Variants in PANK1 observed in about 807,000 individuals in gnomAD.
The protein encoded by PANK1 is pantothenic acid kinase 1.
A neutral mutation model predicts 40.1 loss-of-function variants in PANK1; 18 were observed. That is an observed-to-expected ratio of 0.45 (90% CI 0.31 to 0.67). PANK1 has a LOEUF of 0.67. PANK1 is among the 30% of genes least tolerant of loss of function. The pLI is 0.06. For missense variants in PANK1, 457 were observed against 599.6 expected (o/e 0.76, Z 2.48); for synonymous variants, 242 against 237.7 (o/e 1.02, Z -0.17).
At position 89,583,948 on chromosome 10, in the gene PANK1, A is replaced by T. The variant is rs1344875906; in HGVS notation, c.*458T>A. On this transcript the variant is annotated 3_prime_UTR_variant, in exon 7 of 7. Coordinates refer to ENST00000307534, the MANE Select transcript of PANK1 (RefSeq NM_148977.3). ...TCACAGTAAAACATGCCAGATTTGTAGTTTCATTTGAAACCAACAGCAAAT... is the reference window on the plus strand; with the variant it reads ...TCACAGTAAAACATGCCAGATTTGTTGTTTCATTTGAAACCAACAGCAAAT... The T allele has an allele frequency of 1.3e-5, 2 of 153,744 alleles. No individual in the cohort carries two copies. The highest frequency in any genetic ancestry group is 4.8e-5 in the African/African-American group (2 of 41,490). 9.5% of individuals were successfully genotyped at this position (153,744 alleles called of 1,614,324 possible).
At chr10:89,604,703 A>AAG in intron 2 of PANK1, among the ~76,000 whole-genome samples, 1 of 151,508 alleles carries the variant, frequency 6.6e-6, no homozygotes, top group Admixed American at 6.6e-5. Flanking sequence ...AAAAAAAAAA[A>AAG]AAAAAAAAAA....
intron 3 of PANK1, among the ~76,000 whole-genome samples, chr10:89,594,800 G>A (rs1190810694): frequency 6.6e-6 from 1 of 152,148 alleles, no homozygotes; most frequent in Non-Finnish European, 1.5e-5. Context: ...AGCCAAGAAT[G>A]AACTCAATTG....
At chr10:89,629,777 T>A (rs1841580552) in intron 1 of PANK1, among the ~76,000 whole-genome samples, 1 of 152,230 alleles carries the variant, frequency 6.6e-6, no homozygotes, top group Non-Finnish European at 1.5e-5. Flanking sequence ...AAAGTTTGAT[T>A]CAGAGACAGC....
At chr10:89,615,787 G>A (rs1845298730) in intron 1 of PANK1, among the ~76,000 whole-genome samples, 1 of 152,098 alleles carries the variant, frequency 6.6e-6, no homozygotes. Context: ...TCAGTACACT[G>A]TCTTATATTA....
intron 6 of PANK1, among the ~76,000 whole-genome samples, chr10:89,588,351 T>C (rs1052618700): frequency 6.6e-6 from 1 of 152,206 alleles, no homozygotes; most frequent in Non-Finnish European, 1.5e-5. Context: ...AACTGCTGGA[T>C]CATATGGTAA....
In PANK1 at chr10:89,583,230, T is replaced by A. The variant is rs905749818; in HGVS notation, c.*1176A>T. Reference sequence around the variant, plus strand: ...ATGACCCTCATTTGAAAGTTACCCATCAGTCTTAATGAAATCTTTCAAAAA... The same window carrying A: ...ATGACCCTCATTTGAAAGTTACCCAACAGTCTTAATGAAATCTTTCAAAAA... On this transcript the variant is annotated 3_prime_UTR_variant, in exon 7 of 7. Transcript: ENST00000307534. 1.3e-5 allele frequency: 2 copies of A among 152,156 alleles called. No homozygotes were observed. Among genetic ancestry groups the A allele is most frequent in the African/African-American group, 2.4e-5 (1 of 41,450 alleles). 9.4% of individuals were successfully genotyped at this position (152,156 alleles called of 1,614,324 possible). A position where few individuals can be genotyped will look rare whatever the true frequency, so the allele number is the denominator to read the frequency against.
intron 1 of PANK1, among the ~76,000 whole-genome samples, chr10:89,620,716 C>T (rs190238362): frequency 2.3e-4 from 35 of 152,262 alleles, no homozygotes; most frequent in African/African-American, 7.7e-4. Context: ...ACTCCCTGTT[C>T]GTACCCCCTT....
At chr10:89,618,208 ATGAC>A (rs1299849443) in intron 1 of PANK1, among the ~76,000 whole-genome samples, 1 of 152,216 alleles carries the variant, frequency 6.6e-6, no homozygotes, top group Non-Finnish European at 1.5e-5. Flanking sequence ...GCATTTTAGA[ATGAC>A]TGAGCACCAG....
intron 1 of PANK1, among the ~76,000 whole-genome samples, chr10:89,623,112 A>C (rs1173320133): frequency 6.6e-6 from 1 of 152,216 alleles, no homozygotes; most frequent in African/African-American, 2.4e-5. Context: ...TTGGACACAC[A>C]CACACAAAAC....
chr10:89,586,694 T>C lies in PANK1; in HGVS notation c.1326+1958A>G, dbSNP rs141328569. On this transcript the variant is annotated intron_variant, in intron 6 of 6. Transcript: ENST00000307534. Reference sequence around the variant, plus strand: ...ATTGACAATACCAGCTCTCTCAATGTTTTTCTGCTGCAGTGTATACAAGAG... The same window carrying C: ...ATTGACAATACCAGCTCTCTCAATGCTTTTCTGCTGCAGTGTATACAAGAG... Among the ~76,000 whole-genome samples, 1,488 of 152,286 alleles carry C rather than the reference T, an allele frequency of 9.8e-3. 14 individuals are homozygous for C. The highest frequency in any genetic ancestry group is 0.027 in the Middle Eastern group (8 of 294).
Position 89,632,517 on chromosome 10 carries a change from C to G in PANK1, c.292+12083G>C, listed in dbSNP as rs562153340. The stretch of plus-strand genomic sequence containing the variant: ...TTTAAGAAAAAAAAAATTTGGTGTT[C>G]CTCAATCCACAATGAACAAATAACT... On this transcript the variant is annotated intron_variant, in intron 1 of 6. Transcript: ENST00000307534. Among the ~76,000 whole-genome samples, 8 of 152,088 alleles carry G rather than the reference C, an allele frequency of 5.3e-5. No individual in the cohort carries two copies. In the South Asian group the frequency reaches 1.7e-3, roughly 32 times the overall value.
At position 89,627,032 on chromosome 10, in the gene PANK1, T is replaced by C. The variant is rs370140540; in HGVS notation, c.293-14984A>G. On this transcript the variant is annotated intron_variant, in intron 1 of 6. Transcript: ENST00000307534. Reference sequence around the variant, plus strand: ...ACCAGAAATGGGCCTTGTTCATTTATTTCTTAACTATGAAAGTCTGGCAAA... The same window carrying C: ...ACCAGAAATGGGCCTTGTTCATTTACTTCTTAACTATGAAAGTCTGGCAAA... Among the ~76,000 whole-genome samples the C allele has an allele frequency of 2.0e-5, 3 of 152,308 alleles. No individual in the cohort carries two copies. In the East Asian group the frequency reaches 5.8e-4, roughly 29 times the overall value.
rs1844485085 is a variant in PANK1 at position 89,593,880 on chromosome 10, G to GT, written c.1008dup (p.Leu337ThrfsTer11). 1 of 1,613,478 alleles carries GT rather than the reference G, an allele frequency of 6.2e-7. No homozygotes were observed. Among genetic ancestry groups the GT allele is most frequent in the African/African-American group, 1.3e-5 (1 of 74,924 alleles). On this transcript the variant is annotated frameshift_variant, in exon 4 of 7. Transcript: ENST00000307534. LOFTEE classifies it high-confidence loss of function. ...TCTCCTCCGTAAATGTCCTTCACCA[G>GT]TTTATCAACATTGGTGCTGTCGCCT...
intron 2 of PANK1, among the ~76,000 whole-genome samples, chr10:89,605,696 GCTATTTTATTCCCCCAACTTGAATCTGAA>G (rs1844941895): frequency 6.6e-6 from 1 of 152,114 alleles, no homozygotes; most frequent in Non-Finnish European, 1.5e-5. Flanking sequence ...TCCTCCTAAA[GCTATTTTATTCCCCCAACTTGAATCTGAA>G]ATGTTCTTAA....
chr10:89,595,028 G>A (rs368963482), intron 3 of PANK1, among the ~76,000 whole-genome samples: 1 of 152,200 alleles, frequency 6.6e-6, no homozygotes. Flanking sequence ...TTCAATTTGT[G>A]TTTGAGCACT....
intron 3 of PANK1, among the ~76,000 whole-genome samples, chr10:89,596,767 A>T (rs567740717): frequency 6.6e-6 from 1 of 152,368 alleles, no homozygotes; most frequent in South Asian, 2.1e-4. Flanking sequence ...AGGAAACAGC[A>T]GAAGAAACCT....
rs573562333 is a variant in PANK1 at position 89,583,867 on chromosome 10, A to G, written c.*539T>C. 1 of 152,742 alleles carries G rather than the reference A, an allele frequency of 6.5e-6. No homozygotes were observed. Among genetic ancestry groups the G allele is most frequent in the African/African-American group, 2.4e-5 (1 of 41,576 alleles). The allele number at this position is 152,742 out of a possible 1,614,324, so 9.5% of individuals were successfully genotyped here. A position where few individuals can be genotyped will look rare whatever the true frequency, so the allele number is the denominator to read the frequency against. ...GAGGGAACGACTCTTTTTTCAGAAG[A>G]CAACTAAAACAGAAAAACAAGACAA... On this transcript the variant is annotated 3_prime_UTR_variant, in exon 7 of 7. Coordinates refer to ENST00000307534, the MANE Select transcript of PANK1 (RefSeq NM_148977.3).
At chr10:89,627,897 A>G (rs1425066365) in intron 1 of PANK1, among the ~76,000 whole-genome samples, 1 of 152,180 alleles carries the variant, frequency 6.6e-6, no homozygotes, top group Non-Finnish European at 1.5e-5. Flanking sequence ...GTTGGAGGAT[A>G]TAAGAGCTCT....
rs1192374008 is a variant in PANK1, at chr10:89,595,816, TAAAA to T, written c.900-1831_900-1828del. ...TGGGTGACAGAGCCGGACTCCATCT[TAAAA>T]AAAAAAAAAAAAAATATATATATAT... On this transcript the variant is annotated intron_variant, in intron 3 of 6. Coordinates refer to ENST00000307534, the MANE Select transcript of PANK1 (RefSeq NM_148977.3). Among the ~76,000 whole-genome samples, 231 of 40,810 alleles carry T rather than the reference TAAAA, an allele frequency of 5.7e-3. 4 individuals carry two copies. Among genetic ancestry groups the T allele is most frequent in the African/African-American group, 0.014 (123 of 8,724 alleles). The allele number at this position is 40,810 out of a possible 152,430, so 26.8% of individuals were successfully genotyped here.
Sources: gnomAD v4.1 joint callset for allele counts (sites outside exome capture counted in the v4.1 genomes callset) on GRCh38, gnomAD v4.1.1 for gene constraint, MANE v1.5 for transcripts, NCBI Gene and HGNC (gene_info 2026-07-23, HGNC 2026-07-21) for gene names.